The following CCDC102B variants were observed in gnomAD, a reference collection of about 807,000 sequenced individuals.
CCDC102B encodes the protein coiled-coil domain containing 102B.
CCDC102B carries 75 observed loss-of-function variants against 57.4 expected under a neutral mutation model. That is an observed-to-expected ratio of 1.31 (90% CI 1.08 to 1.58). The LOEUF is 1.58. Ranked by LOEUF, CCDC102B falls within the 40% of genes most tolerant of loss-of-function variation. CCDC102B has a pLI of 0.00. For missense variants in CCDC102B, 636 were observed against 582.6 expected (o/e 1.09, Z -0.94); for synonymous variants, 206 against 201.9 (o/e 1.02, Z -0.17).
intron 1 of CCDC102B, among the ~76,000 whole-genome samples, chr18:68,803,766 T>C (rs2035937155): frequency 6.8e-6 from 1 of 148,100 alleles, no homozygotes; most frequent in Admixed American, 6.6e-5. Context: ...ACCAACCTAA[T>C]ATTATTTTAC....
At chr18:68,746,203 T>G (rs1267110828) in intron 2 of CCDC102B, among the ~76,000 whole-genome samples, 1 of 152,220 alleles carries the variant, frequency 6.6e-6, no homozygotes, top group East Asian at 1.9e-4. Context: ...ACTGCCACAT[T>G]AAGAGCTTCT....
intron 6 of CCDC102B, among the ~76,000 whole-genome samples, chr18:68,958,321 A>G (rs1204238206): frequency 6.6e-6 from 1 of 152,212 alleles, no homozygotes; most frequent in African/African-American, 2.4e-5. Flanking sequence ...TTCAGCATCA[A>G]TTGAAATTAT....
chr18:68,889,406 A>G (rs1054381400), intron 5 of CCDC102B, among the ~76,000 whole-genome samples: 3 of 152,112 alleles, frequency 2.0e-5, no homozygotes, highest in African/African-American at 7.2e-5. Context: ...CCTGTGAGAA[A>G]TAAATTAGTG....
At chr18:68,997,223 T>C (rs1040090680) in intron 6 of CCDC102B, among the ~76,000 whole-genome samples, 1 of 152,194 alleles carries the variant, frequency 6.6e-6, no homozygotes, top group African/African-American at 2.4e-5. Flanking sequence ...AAGTTCTTTA[T>C]CGGAGTGTGA....
intron 6 of CCDC102B, among the ~76,000 whole-genome samples, chr18:68,959,290 G>A (rs1482400540): frequency 2.0e-5 from 3 of 152,090 alleles, no homozygotes; most frequent in African/African-American, 7.2e-5. Flanking sequence ...GTAGTCTTGG[G>A]TAACATCTGG....
intron 6 of CCDC102B, among the ~76,000 whole-genome samples, chr18:69,007,313 A>C (rs1212466679): frequency 6.6e-6 from 1 of 152,204 alleles, no homozygotes; most frequent in Non-Finnish European, 1.5e-5. Context: ...CATAACAAAA[A>C]ATACCAAGTG....
At chr18:68,756,264 A>G (rs1387958023) in intron 2 of CCDC102B, among the ~76,000 whole-genome samples, 1 of 147,496 alleles carries the variant, frequency 6.8e-6, no homozygotes, top group African/African-American at 2.6e-5. Flanking sequence ...GTTAATCCAC[A>G]GTAAATTAAT....
intron 3 of CCDC102B, 92 bp downstream of exon 3, chr18:68,839,018 T>A (rs2037509144): frequency 2.9e-6 from 3 of 1,021,494 alleles, no homozygotes; most frequent in Non-Finnish European, 4.5e-6. Flanking sequence ...TGATAATGTA[T>A]TTTATCCATG....
In CCDC102B at chr18:68,916,641, G is replaced by A. The variant is rs1472506118; in HGVS notation, c.1263+19213G>A. On this transcript the variant is annotated intron_variant, in intron 6 of 7. Coordinates refer to ENST00000360242, the MANE Select transcript of CCDC102B (RefSeq NM_024781.3). ...CATACAAGGTAGATAGGGGATATAA[G>A]GTTGGCAAGATACACAATGTGACAG... 2.6e-5 allele frequency among the ~76,000 whole-genome samples: 4 copies of A among 152,178 alleles called. No individual in the cohort carries two copies. In the East Asian group the frequency reaches 7.7e-4, roughly 29 times the overall value.
chr18:68,912,869 A>G (rs1225964083), intron 6 of CCDC102B, among the ~76,000 whole-genome samples: 2 of 152,172 alleles, frequency 1.3e-5, no homozygotes, highest in Non-Finnish European at 2.9e-5. Flanking sequence ...ATCTTGTCAC[A>G]TTTTTCAAAA....
intron 2 of CCDC102B, among the ~76,000 whole-genome samples, chr18:68,762,053 G>A (rs504260): frequency 0.54 from 82,649 of 151,946 alleles, 22,854 homozygotes; most frequent in East Asian, 0.9. Context: ...GATGTTTACA[G>A]TTACAGTAGT....
At chr18:68,751,726 G>A (rs1198739857) in intron 2 of CCDC102B, among the ~76,000 whole-genome samples, 5 of 151,964 alleles carry the variant, frequency 3.3e-5, no homozygotes, top group Admixed American at 6.6e-5. Flanking sequence ...TATGTAATCC[G>A]CAAATAATGA....
At chr18:68,907,347 C>T (rs893953456) in intron 6 of CCDC102B, among the ~76,000 whole-genome samples, 1 of 151,038 alleles carries the variant, frequency 6.6e-6, no homozygotes, top group African/African-American at 2.5e-5. Context: ...AAAAAAAAAA[C>T]GCCATTGGAA....
chr18:68,747,525 C>T (rs1418228687), intron 2 of CCDC102B, among the ~76,000 whole-genome samples: 3 of 152,014 alleles, frequency 2.0e-5, no homozygotes, highest in African/African-American at 7.2e-5. Context: ...TTCTATCTTC[C>T]TATCCCCATC....
intron 6 of CCDC102B, among the ~76,000 whole-genome samples, chr18:68,919,794 T>G (rs1361746628): frequency 4.0e-5 from 6 of 151,102 alleles, no homozygotes; most frequent in Non-Finnish European, 8.9e-5. Flanking sequence ...TGTAGATCTC[T>G]ATTCTAAGGG....
At chr18:69,018,802 C>T (rs1335940065) in intron 7 of CCDC102B, among the ~76,000 whole-genome samples, 4 of 151,748 alleles carry the variant, frequency 2.6e-5, no homozygotes, top group Non-Finnish European at 5.9e-5. Context: ...ATTTTGTTCC[C>T]TGTGCTTTGG....
intron 2 of CCDC102B, among the ~76,000 whole-genome samples, chr18:68,734,573 T>G (rs557919489): frequency 6.6e-5 from 10 of 152,310 alleles, no homozygotes; most frequent in Non-Finnish European, 8.8e-5. Context: ...CAATTTTAAC[T>G]CCGTTTCAGA....
At chr18:68,760,499 T>A (rs1249758358) in intron 2 of CCDC102B, among the ~76,000 whole-genome samples, 1 of 152,130 alleles carries the variant, frequency 6.6e-6, no homozygotes, top group Non-Finnish European at 1.5e-5. Context: ...ACACTTTTGT[T>A]GTACCAGGTG....
At chr18:68,802,879 T>C (rs2144688151) in intron 1 of CCDC102B, among the ~76,000 whole-genome samples, 1 of 152,348 alleles carries the variant, frequency 6.6e-6, no homozygotes, top group East Asian at 1.9e-4. Flanking sequence ...CTGAAAGGGA[T>C]ACATGGCTTT....
Sources: gnomAD v4.1 joint callset for allele counts (sites outside exome capture counted in the v4.1 genomes callset) on GRCh38, gnomAD v4.1.1 for gene constraint, MANE v1.5 for transcripts, NCBI Gene and HGNC (gene_info 2026-07-23, HGNC 2026-07-21) for gene names.